HSD17B12: variants seen among roughly 807,000 people sequenced by gnomAD.
HSD17B12 encodes very-long-chain 3-oxoacyl-CoA reductase.
HSD17B12 carries 32 observed loss-of-function variants against 39.3 expected under a neutral mutation model. That is an observed-to-expected ratio of 0.81 (90% CI 0.61 to 1.09). The LOEUF (loss-of-function observed/expected upper bound fraction) is 1.09. Ranked by LOEUF, HSD17B12 falls within the 50% of genes least tolerant of loss-of-function variation. The pLI, the probability that HSD17B12 is intolerant of heterozygous loss-of-function variation, is 0.00. For missense variants in HSD17B12, 342 were observed against 382.9 expected (o/e 0.89, Z 0.89); for synonymous variants, 150 against 146.7 (o/e 1.02, Z -0.16).
the HSD17B12 span, among the ~76,000 whole-genome samples, chr11:43,647,776 T>C: frequency 6.6e-6 from 1 of 152,224 alleles, no homozygotes; most frequent in African/African-American, 2.4e-5. Context: ...ACATGGAATG[T>C]ATATTCACCC....
chr11:43,646,599 A>G, the HSD17B12 span, among the ~76,000 whole-genome samples: 1 of 152,234 alleles, frequency 6.6e-6, no homozygotes, highest in African/African-American at 2.4e-5. Context: ...AACAGAACAA[A>G]TAGTTCATTA....
intron 9 of HSD17B12, 35 bp from the exon 10 acceptor site, chr11:43,854,680 T>C (rs1409231772): frequency 6.2e-7 from 1 of 1,610,398 alleles, no homozygotes; most frequent in Non-Finnish European, 8.5e-7. Context: ...TACTAATCAA[T>C]GGCATGTTTT....
At chr11:43,576,831 G>GCC in the HSD17B12 span, among the ~76,000 whole-genome samples, 10 of 152,078 alleles carry the variant, frequency 6.6e-5, no homozygotes, top group Non-Finnish European at 1.5e-4. Flanking sequence ...TTCTTGCAGA[G>GCC]CCGGGAATCA....
In HSD17B12 at chr11:43,786,926, G is replaced by A. The variant is rs117709250; in HGVS notation, c.284-11394G>A. Among the ~76,000 whole-genome samples, 611 of 152,034 alleles carry A rather than the reference G, an allele frequency of 4.0e-3. 2 individuals are homozygous for A. The highest frequency in any genetic ancestry group is 7.2e-3 in the Non-Finnish European group (490 of 67,950). ...ATATGGTACCTTTAGGGAATCCTAGGGTCAAAATGACTTTGTTCTTTGTTT... is the reference window on the plus strand; with the variant it reads ...ATATGGTACCTTTAGGGAATCCTAGAGTCAAAATGACTTTGTTCTTTGTTT... On this transcript the variant is annotated intron_variant, in intron 3 of 10. Coordinates refer to ENST00000278353, the MANE Select transcript of HSD17B12 (RefSeq NM_016142.3).
At chr11:43,672,118 G>C in the HSD17B12 span, among the ~76,000 whole-genome samples, 1 of 151,940 alleles carries the variant, frequency 6.6e-6, no homozygotes, top group African/African-American at 2.4e-5. Context: ...GCATGATCTC[G>C]GCTCACTGAA....
chr11:43,682,560 A>C (rs12278181), intron 1 of HSD17B12, among the ~76,000 whole-genome samples: 71,290 of 148,076 alleles, frequency 0.48, 17,896 homozygotes, highest in Non-Finnish European at 0.53. Flanking sequence ...AAAAAAAAAA[A>C]AAAAAACAGA....
At chr11:43,795,988 C>A (rs1174255981) in intron 3 of HSD17B12, among the ~76,000 whole-genome samples, 1 of 151,972 alleles carries the variant, frequency 6.6e-6, no homozygotes, top group Non-Finnish European at 1.5e-5. Flanking sequence ...CAAGGACCCA[C>A]CAGAGACAAG....
intron 1 of HSD17B12, among the ~76,000 whole-genome samples, chr11:43,725,557 G>C (rs1302209002): frequency 6.6e-6 from 1 of 152,160 alleles, no homozygotes; most frequent in Non-Finnish European, 1.5e-5. Context: ...ACATAGGCCA[G>C]ATTGAATATT....
intron 6 of HSD17B12, among the ~76,000 whole-genome samples, chr11:43,828,410 G>C (rs1951272141): frequency 1.3e-5 from 2 of 151,394 alleles, no homozygotes; most frequent in South Asian, 4.2e-4. Flanking sequence ...CAAAGTGCTG[G>C]GATTACAGGC....
At chr11:43,820,881 C>T (rs1951175942) in intron 6 of HSD17B12, among the ~76,000 whole-genome samples, 1 of 152,184 alleles carries the variant, frequency 6.6e-6, no homozygotes, top group Non-Finnish European at 1.5e-5. Context: ...ACTGAATGAC[C>T]TGGCTTTACA....
intron 1 of HSD17B12, chr11:43,733,893 A>G: frequency 1.5e-6 from 1 of 684,194 alleles, no homozygotes; most frequent in Non-Finnish European, 2.7e-6. Context: ...TCCATGGAGT[A>G]CAGGACATTG....
chr11:43,782,520 A>G (rs1292120918), intron 3 of HSD17B12, among the ~76,000 whole-genome samples: 1 of 152,070 alleles, frequency 6.6e-6, no homozygotes, highest in East Asian at 1.9e-4. Context: ...GTTTACTAAA[A>G]CTACAAAAGT....
chr11:43,578,913 T>A, the HSD17B12 span: 2 of 152,090 alleles, frequency 1.3e-5, no homozygotes, highest in Non-Finnish European at 2.9e-5. Flanking sequence ...AATAATTCAA[T>A]GGTAGCGGTG....
chr11:43,737,000 T>G (rs1950322548), intron 1 of HSD17B12, among the ~76,000 whole-genome samples: 1 of 152,194 alleles, frequency 6.6e-6, no homozygotes, highest in South Asian at 2.1e-4. Flanking sequence ...CATTTTCTAT[T>G]CCTACCACCC....
intron 3 of HSD17B12, among the ~76,000 whole-genome samples, chr11:43,774,221 T>TC (rs1423776535): frequency 1.3e-5 from 2 of 152,044 alleles, no homozygotes; most frequent in African/African-American, 4.8e-5. Context: ...CTTTGTAATT[T>TC]TTTTTTTTTT....
chr11:43,750,311 C>T (rs972709469), intron 1 of HSD17B12, among the ~76,000 whole-genome samples: 2 of 152,142 alleles, frequency 1.3e-5, no homozygotes, highest in African/African-American at 4.8e-5. Flanking sequence ...CTTAAACTTA[C>T]ATTTTTATGT....
the HSD17B12 span, among the ~76,000 whole-genome samples, chr11:43,673,659 TTTTGTTTGTTTGTTTGTTTG>T: frequency 2.0e-5 from 3 of 148,852 alleles, no homozygotes; most frequent in Non-Finnish European, 4.4e-5. Context: ...GCCCAGCTAG[TTTTGTTTGTTTGTTTGTTTG>T]TTTGTTTGTT....
intron 3 of HSD17B12, 91 bp from the exon 4 acceptor site, chr11:43,798,229 C>T: frequency 1.4e-6 from 1 of 732,756 alleles, no homozygotes; most frequent in Non-Finnish European, 2.4e-6. Context: ...GGAGAAACGT[C>T]TGAAAGGATA....
chr11:43,750,129 T>G (rs1163449336), intron 1 of HSD17B12, among the ~76,000 whole-genome samples: 1 of 151,882 alleles, frequency 6.6e-6, no homozygotes, highest in Admixed American at 6.6e-5. Flanking sequence ...TGTACTTAAG[T>G]GTACAGCTCA....
Sources: allele counts gnomAD v4.1 joint callset (sites outside exome capture counted in the v4.1 genomes callset), GRCh38; gene constraint gnomAD v4.1.1; transcripts MANE v1.5; gene names NCBI Gene and HGNC (gene_info 2026-07-23, HGNC 2026-07-21).